MCU: variants seen among roughly 807,000 people sequenced by gnomAD.
The protein encoded by MCU is mitochondrial calcium uniporter, also known as calcium uniporter protein, mitochondrial.
A neutral mutation model predicts 45.2 loss-of-function variants in MCU; 12 were observed. The observed-to-expected ratio is 0.27, with a 90% CI of 0.17 to 0.43. MCU has a LOEUF of 0.43. Ranked by LOEUF, MCU falls within the 20% of genes least tolerant of loss-of-function variation. The pLI is 1.00. For synonymous variants in MCU, 160 were observed against 165.1 expected, an observed-to-expected ratio of 0.97 and a Z score of 0.24; for missense variants, 324 against 436.7, an observed-to-expected ratio of 0.74 and a Z score of 2.30.
intron 1 of MCU, among the ~76,000 whole-genome samples, chr10:72,765,804 A>G (rs1311906735): frequency 4.9e-4 from 74 of 151,396 alleles, no homozygotes; most frequent in African/African-American, 1.6e-3. Flanking sequence ...AAAAAAAAAA[A>G]AAAAGAAAGA....
intron 1 of MCU, among the ~76,000 whole-genome samples, chr10:72,742,740 T>C (rs1310823723): frequency 6.6e-6 from 1 of 152,148 alleles, no homozygotes; most frequent in East Asian, 1.9e-4. Flanking sequence ...GGGGCTGAAC[T>C]ATAGATAAAT....
At chr10:72,751,252 C>T (rs1843490441) in intron 1 of MCU, among the ~76,000 whole-genome samples, 1 of 151,016 alleles carries the variant, frequency 6.6e-6, no homozygotes, top group Non-Finnish European at 1.5e-5. Flanking sequence ...ATCCACCTGC[C>T]TCGGACTCCT....
At chr10:72,881,038 G>A (rs1421289477) in intron 6 of MCU, among the ~76,000 whole-genome samples, 1 of 152,142 alleles carries the variant, frequency 6.6e-6, no homozygotes, top group Non-Finnish European at 1.5e-5. Flanking sequence ...GCCAAGGTAG[G>A]AGGATTGCTT....
At chr10:72,693,503 A>G (rs1343909975) in intron 1 of MCU, among the ~76,000 whole-genome samples, 1 of 152,226 alleles carries the variant, frequency 6.6e-6, no homozygotes, top group Non-Finnish European at 1.5e-5. Flanking sequence ...CTTAAGAGGA[A>G]ACTGAACTGG....
At chr10:72,721,226 A>T (rs1251646049) in intron 1 of MCU, 1 of 154,162 alleles carries the variant, frequency 6.5e-6, no homozygotes, top group Non-Finnish European at 1.5e-5. Context: ...AAGGAGACTT[A>T]TTCAGTAGCT....
intron 2 of MCU, among the ~76,000 whole-genome samples, chr10:72,847,253 G>T (rs1009966650): frequency 2.6e-5 from 4 of 152,158 alleles, no homozygotes; most frequent in African/African-American, 9.7e-5. Flanking sequence ...GGGATTTAAG[G>T]CATGAGCCAC....
At chr10:72,810,325 C>T (rs1249922261) in intron 1 of MCU, among the ~76,000 whole-genome samples, 3 of 151,916 alleles carry the variant, frequency 2.0e-5, no homozygotes, top group East Asian at 1.9e-4. Flanking sequence ...TAAGAGGTGA[C>T]GTCTTTGACT....
At chr10:72,868,404 C>T (rs966516045) in intron 4 of MCU, among the ~76,000 whole-genome samples, 4 of 151,942 alleles carry the variant, frequency 2.6e-5, no homozygotes, top group Admixed American at 1.3e-4. Context: ...CAAAAATTAG[C>T]CAGGCTTGTG....
At chr10:72,793,132 C>T (rs1380304928) in intron 1 of MCU, among the ~76,000 whole-genome samples, 1 of 152,134 alleles carries the variant, frequency 6.6e-6, no homozygotes, top group East Asian at 1.9e-4. Context: ...TCGCCTTGGC[C>T]TCCCAAAGTG....
At chr10:72,811,298 C>G (rs529207538) in intron 1 of MCU, among the ~76,000 whole-genome samples, 2 of 152,150 alleles carry the variant, frequency 1.3e-5, no homozygotes, top group African/African-American at 4.8e-5. Context: ...GCATTCTAGA[C>G]GCAATGAGCC....
chr10:72,819,699 A>G (rs984389596), intron 1 of MCU, among the ~76,000 whole-genome samples: 1 of 138,564 alleles, frequency 7.2e-6, no homozygotes, highest in African/African-American at 2.7e-5. Flanking sequence ...CTTTACCTAG[A>G]TTCAGTAGTT....
At chr10:72,810,461 C>CT (rs751918414) in intron 1 of MCU, among the ~76,000 whole-genome samples, 4,379 of 73,424 alleles carry the variant, frequency 0.06, 328 homozygotes, top group African/African-American at 0.15. Flanking sequence ...ATTATGTTGC[C>CT]TTTTTTTTTT....
At chr10:72,809,035 A>G (rs1358710383) in intron 1 of MCU, among the ~76,000 whole-genome samples, 1 of 152,220 alleles carries the variant, frequency 6.6e-6, no homozygotes, top group East Asian at 1.9e-4. Context: ...AGCCAGTGAA[A>G]GTGTTCTGAA....
intron 5 of MCU, 112 bp from the exon 6 acceptor site, chr10:72,871,265 T>G (rs1845538623): frequency 1.1e-6 from 1 of 911,892 alleles, no homozygotes; most frequent in Non-Finnish European, 1.8e-6. Flanking sequence ...TTACTAGAAT[T>G]GAGACTTGTG....
At chr10:72,781,484 A>C (rs1336913925) in intron 1 of MCU, among the ~76,000 whole-genome samples, 1 of 152,248 alleles carries the variant, frequency 6.6e-6, no homozygotes, top group African/African-American at 2.4e-5. Context: ...ACAAAACCAG[A>C]AATACACAGA....
intron 1 of MCU, among the ~76,000 whole-genome samples, chr10:72,727,999 A>T (rs1187783001): frequency 6.6e-6 from 1 of 152,040 alleles, no homozygotes; most frequent in Non-Finnish European, 1.5e-5. Context: ...AAAAATGCCC[A>T]AATTATACCA....
intron 4 of MCU, among the ~76,000 whole-genome samples, chr10:72,863,488 A>G (rs915679239): frequency 2.0e-5 from 3 of 152,238 alleles, no homozygotes; most frequent in African/African-American, 7.2e-5. Flanking sequence ...TATTCTTTAA[A>G]TACAGTTGAT....
At chr10:72,823,561 T>A (rs1490960612) in intron 1 of MCU, among the ~76,000 whole-genome samples, 6 of 152,238 alleles carry the variant, frequency 3.9e-5, no homozygotes, top group African/African-American at 1.4e-4. Flanking sequence ...TTCCCTTTTA[T>A]ACTGCACTAA....
intron 1 of MCU, among the ~76,000 whole-genome samples, chr10:72,717,503 C>T (rs1026066098): frequency 1.3e-5 from 2 of 152,102 alleles, no homozygotes; most frequent in South Asian, 4.1e-4. Context: ...AGGTGATCCA[C>T]CCGCTTCAGC....
Sources: allele counts gnomAD v4.1 joint callset (sites outside exome capture counted in the v4.1 genomes callset), GRCh38; gene constraint gnomAD v4.1.1; transcripts MANE v1.5; gene names NCBI Gene and HGNC (gene_info 2026-07-23, HGNC 2026-07-21).